Variants in HTR3B observed in about 807,000 individuals in gnomAD.
The protein encoded by HTR3B is 5-hydroxytryptamine (serotonin) receptor 3B, ionotropic.
In HTR3B, 44 loss-of-function variants were observed where a neutral mutation model predicts 42.8. The ratio of observed to expected loss-of-function variants is 1.03; its 90% CI spans 0.81 to 1.32. HTR3B has a LOEUF of 1.32. HTR3B is among the 40% of genes most tolerant of loss of function. The probability of loss-of-function intolerance (pLI) is 0.00; values close to 1 mark genes in which losing one functional copy is unlikely to be tolerated. For missense variants in HTR3B, 527 were observed against 536.5 expected, an observed-to-expected ratio of 0.98 and a Z score of 0.17; for synonymous variants, 203 against 209.0, an observed-to-expected ratio of 0.97 and a Z score of 0.25.
chr11:113,924,713 C>T (rs1949951877), intron 2 of HTR3B, among the ~76,000 whole-genome samples: 1 of 151,392 alleles, frequency 6.6e-6, no homozygotes, highest in Admixed American at 6.6e-5. Context: ...ACCAGGACTC[C>T]CGTTGAGCCA....
chr11:113,933,629 C>A (rs958696234), intron 6 of HTR3B, among the ~76,000 whole-genome samples: 10 of 152,092 alleles, frequency 6.6e-5, no homozygotes, highest in Non-Finnish European at 1.3e-4. Context: ...GAACAATTAA[C>A]CCCCTCAAAA....
At position 113,913,350 on chromosome 11, in the gene HTR3B, A is replaced by ATTTTTTTTTTTTTTTTT. The variant is rs71063533; in HGVS notation, c.213+3911_213+3927dup. Among the ~76,000 whole-genome samples, 56 of 61,520 alleles carry ATTTTTTTTTTTTTTTTT rather than the reference A, an allele frequency of 9.1e-4. 4 individuals are homozygous for ATTTTTTTTTTTTTTTTT. Among genetic ancestry groups the ATTTTTTTTTTTTTTTTT allele is most frequent in the Admixed American group, 1.0e-3 (4 of 3,926 alleles). 40.4% of individuals were successfully genotyped at this position (61,520 alleles called of 152,430 possible). On this transcript the variant is annotated intron_variant, in intron 2 of 8. Coordinates refer to ENST00000260191, the MANE Select transcript of HTR3B (RefSeq NM_006028.5). Reference sequence around the variant, plus strand: ...AGGTGCCTGCCACCATGTCTGGCTAATTTTTTTTTTTTTTTTTTTTTTTTT... The same window carrying ATTTTTTTTTTTTTTTTT: ...AGGTGCCTGCCACCATGTCTGGCTAATTTTTTTTTTTTTTTTTTTTTTTTTTTTTTTTTTTTTTTTTT...
intron 2 of HTR3B, among the ~76,000 whole-genome samples, chr11:113,915,722 T>C (rs917095813): frequency 1.5e-4 from 23 of 152,368 alleles, no homozygotes; most frequent in African/African-American, 5.3e-4. Context: ...TATGTTTAAT[T>C]TTATAAGAAA....
intron 6 of HTR3B, among the ~76,000 whole-genome samples, chr11:113,938,777 G>C (rs936101164): frequency 6.6e-6 from 1 of 152,174 alleles, no homozygotes; most frequent in East Asian, 1.9e-4. Flanking sequence ...GCTGAGGCAG[G>C]TGGATCACCT....
chr11:113,904,172 C>T (rs1055148257), upstream of HTR3B, among the ~76,000 whole-genome samples: 17 of 151,758 alleles, frequency 1.1e-4, no homozygotes, highest in African/African-American at 3.6e-4. Flanking sequence ...AAAATGAATG[C>T]GTATTCAATC....
At chr11:113,899,762 C>T in the HTR3B span, among the ~76,000 whole-genome samples, 1 of 152,134 alleles carries the variant, frequency 6.6e-6, no homozygotes. Context: ...CAAAAGACAT[C>T]GGTCGATCTA....
chr11:113,906,808 A>C (rs1254459614), intron 1 of HTR3B, among the ~76,000 whole-genome samples: 1 of 152,182 alleles, frequency 6.6e-6, no homozygotes. Context: ...CTCCTCACAG[A>C]GCTGTAGAGT....
intron 2 of HTR3B, among the ~76,000 whole-genome samples, chr11:113,920,562 C>T (rs892771687): frequency 5.3e-5 from 8 of 151,794 alleles, no homozygotes; most frequent in East Asian, 3.9e-4. Flanking sequence ...TTAGTAGAGA[C>T]GGGGTTACAC....
intron 6 of HTR3B, among the ~76,000 whole-genome samples, chr11:113,938,485 C>A (rs528845043): frequency 5.9e-5 from 9 of 152,188 alleles, no homozygotes; most frequent in Non-Finnish European, 1.2e-4. Context: ...ATGAAACACT[C>A]AATCACCAGA....
intron 7 of HTR3B, 97 bp from the exon 8 acceptor site, chr11:113,944,476 G>A: frequency 2.7e-6 from 3 of 1,130,984 alleles, no homozygotes; most frequent in Non-Finnish European, 3.9e-6. Context: ...ACTCCAGCTT[G>A]GGCAATAGAG....
In HTR3B at chr11:113,933,057, G is replaced by A. The variant is rs769380515; in HGVS notation, c.660G>A (p.Gln220=). 1 of 1,614,152 alleles carries A rather than the reference G, an allele frequency of 6.2e-7. No homozygotes were observed. Among genetic ancestry groups the A allele is most frequent in the Non-Finnish European group, 8.5e-7 (1 of 1,180,010 alleles). The change falls in exon 6 of 9, where the codon CAG becomes CAA. Residue 220 remains glutamine (Q), a synonymous_variant. Coordinates refer to ENST00000260191, the MANE Select transcript of HTR3B (RefSeq NM_006028.5). ...LSVSSTYSIL[Q]SSAGGFAQIQ... is the part of the protein sequence containing the mutation. ...TGTCCTCCACATACAGCATCCTGCA[G>A]AGCAGCGCTGGAGGATTTGCACAGA... is the stretch of plus-strand genomic sequence containing the variant.
rs552902156 is a variant in HTR3B, at chr11:113,925,235, T to C, written c.214-6149T>C. ...TGTCGCTGGATAATTGGACAATTAA[T>C]TTCGTATACCCAGTTCTGGGGAGGA... On this transcript the variant is annotated intron_variant, in intron 2 of 8. Coordinates refer to ENST00000260191, the MANE Select transcript of HTR3B (RefSeq NM_006028.5). Among the ~76,000 whole-genome samples, 175 of 152,238 alleles carry C rather than the reference T, an allele frequency of 1.1e-3. 1 individual carries two copies. Among genetic ancestry groups the C allele is most frequent in the African/African-American group, 3.9e-3 (164 of 41,524 alleles).
intron 2 of HTR3B, among the ~76,000 whole-genome samples, chr11:113,925,864 G>GT (rs1309657018): frequency 6.6e-6 from 1 of 151,918 alleles, no homozygotes; most frequent in African/African-American, 2.4e-5. Context: ...TAAATAGCAG[G>GT]TTTTTTTGAG....
At chr11:113,942,764 A>C (rs1258630472) in intron 6 of HTR3B, among the ~76,000 whole-genome samples, 1 of 152,172 alleles carries the variant, frequency 6.6e-6, no homozygotes, top group African/African-American at 2.4e-5. Flanking sequence ...ATCACTATTA[A>C]TAATATTAAT....
chr11:113,901,574 T>G (rs1371017403), upstream of HTR3B, among the ~76,000 whole-genome samples: 1 of 152,166 alleles, frequency 6.6e-6, no homozygotes, highest in African/African-American at 2.4e-5. Context: ...CAGGAAGCAT[T>G]GTATATAAAC....
intron 6 of HTR3B, among the ~76,000 whole-genome samples, chr11:113,940,507 A>C (rs4936284): frequency 0.033 from 5,102 of 152,318 alleles, 149 homozygotes; most frequent in Admixed American, 0.06. Context: ...GGCTGATGAC[A>C]GTTAATTTTG....
chr11:113,940,093 G>T (rs1322771103), intron 6 of HTR3B, among the ~76,000 whole-genome samples: 1 of 151,984 alleles, frequency 6.6e-6, no homozygotes, highest in African/African-American at 2.4e-5. Context: ...GACTACTTTG[G>T]TCAGGTTGGT....
intron 2 of HTR3B, among the ~76,000 whole-genome samples, chr11:113,916,362 A>G (rs935401822): frequency 3.9e-5 from 6 of 152,162 alleles, no homozygotes; most frequent in African/African-American, 1.2e-4. Flanking sequence ...AGTTATTTAT[A>G]TACTCTGAGC....
In HTR3B at chr11:113,919,729, G is replaced by T. The variant is rs186580171; in HGVS notation, c.213+10274G>T. Among the ~76,000 whole-genome samples the T allele has an allele frequency of 3.0e-3, 457 of 151,996 alleles. 1 individual carries two copies. Among genetic ancestry groups the T allele is most frequent in the African/African-American group, 0.011 (442 of 41,476 alleles). On this transcript the variant is annotated intron_variant, in intron 2 of 8. Transcript: ENST00000260191. ...CGTAATCCCAGCTACTTGGGAGACC[G>T]AGGCAGGAGAATTGCTTGAACCTGG...
Sources: allele counts gnomAD v4.1 joint callset (sites outside exome capture counted in the v4.1 genomes callset), GRCh38; gene constraint gnomAD v4.1.1; transcripts MANE v1.5; gene names NCBI Gene and HGNC (gene_info 2026-07-23, HGNC 2026-07-21).